Variants in ERGIC3 observed in about 807,000 individuals in gnomAD.
The protein encoded by ERGIC3 is ERGIC and golgi 3, also known as endoplasmic reticulum-Golgi intermediate compartment protein 3.
ERGIC3 carries 33 observed loss-of-function variants against 54.7 expected under a neutral mutation model. The ratio of observed to expected loss-of-function variants is 0.60; its 90% CI spans 0.46 to 0.81. ERGIC3 has a LOEUF of 0.81. Ranked by LOEUF, ERGIC3 falls within the 30% of genes least tolerant of loss-of-function variation. The probability of loss-of-function intolerance (pLI) is 0.00; values close to 1 mark genes in which losing one functional copy is unlikely to be tolerated. For synonymous variants in ERGIC3, 186 were observed against 189.8 expected (o/e 0.98, Z 0.16); for missense variants, 399 against 488.4 (o/e 0.82, Z 1.73).
chr20:35,547,556 G>GTCAGCC (rs1568869830), intron 5 of ERGIC3, 51 bp downstream of exon 5: 19 of 1,546,272 alleles, frequency 1.2e-5, no homozygotes, highest in Non-Finnish European at 1.7e-5. Context: ...CCATCTGTCA[G>GTCAGCC]TCAGCCTCAG....
At chr20:35,542,438 G>A (rs769479746) in intron 2 of ERGIC3, 45 bp downstream of exon 2, 1 of 1,613,678 alleles carries the variant, frequency 6.2e-7, no homozygotes, top group Non-Finnish European at 8.5e-7. Flanking sequence ...GGCATTCTAG[G>A]AGTAGGACCT....
chr20:35,556,652 A>C, intron 10 of ERGIC3: 3 of 500,348 alleles, frequency 6.0e-6, no homozygotes, highest in Middle Eastern at 5.5e-4. Context: ...CGAGGGGCTG[A>C]GGGCAGAGGA....
intron 10 of ERGIC3, 28 bp from the exon 11 acceptor site, chr20:35,556,945 C>T (rs767690881): frequency 6.2e-7 from 1 of 1,613,706 alleles, no homozygotes; most frequent in Admixed American, 1.7e-5. Context: ...TAGCCCTAGC[C>T]CTGGCCCAGG....
chr20:35,543,213 G>A, intron 4 of ERGIC3: 1 of 405,048 alleles, frequency 2.5e-6, no homozygotes, highest in East Asian at 5.7e-5. Flanking sequence ...TTGAAGATAG[G>A]TCTTATGTGC....
Position 35,542,555 on chromosome 20 carries a change from C to G in ERGIC3, c.202C>G (p.Leu68Val), listed in dbSNP as rs2064621161. The G allele has an allele frequency of 1.2e-6, 2 of 1,614,014 alleles. No individual in the cohort carries two copies. Among genetic ancestry groups the G allele is most frequent in the Non-Finnish European group, 8.5e-7 (1 of 1,180,010 alleles). The change falls in exon 3 of 13, where the codon CTG (leucine) becomes GTG (valine). Residue 68 changes from leucine to valine, a missense_variant. Physicochemically the swap from Leu to Val is conservative, Grantham distance 32. Coordinates refer to ENST00000348547, the MANE Select transcript of ERGIC3 (RefSeq NM_015966.3). The stretch of plus-strand genomic sequence containing the variant: ...CGTGGACAAGTCGCGGGGAGATAAA[C>G]TGAAGATCAACATCGATGTACTTTT... ...LYVDKSRGDK[L>V]KINIDVLFPH...
intron 4 of ERGIC3, chr20:35,543,321 T>C (rs972539454): frequency 6.0e-6 from 2 of 334,404 alleles, no homozygotes; most frequent in South Asian, 2.5e-5. Context: ...CTCTTCCCCT[T>C]TGGAATGCAG....
At chr20:35,551,164 T>G (rs1348545540) in intron 7 of ERGIC3, among the ~76,000 whole-genome samples, 4 of 151,672 alleles carry the variant, frequency 2.6e-5, no homozygotes, top group African/African-American at 4.8e-5. Context: ...CGTAGCGGCG[T>G]GCGCCTGTAG....
In ERGIC3 at chr20:35,542,842, G is replaced by A. The variant is rs147325233; in HGVS notation, c.268G>A (p.Asp90Asn). ...PCAYLSIDAM[D>N]VAGEQQLDVE... ...TCCAGATCTGAGTATTGATGCCATG[G>A]ATGTGGCCGGAGAACAGCAGCTGGA... Residue 90 changes from aspartate to asparagine, a missense_variant, in exon 4 of 13, where the codon GAT (aspartate) becomes AAT (asparagine). Asp to Asn is a conservative substitution (Grantham distance 23, BLOSUM62 1). Transcript: ENST00000348547. 2.5e-6 allele frequency: 4 copies of A among 1,613,932 alleles called. No homozygotes were observed. The African/African-American group carries it at 5.3e-5, about 22-fold the overall frequency.
rs1007337605 is a variant in ERGIC3 at position 35,542,448 on chromosome 20, T to C, written c.159+55T>C. On this transcript the variant is annotated intron_variant, in intron 2 of 12. Coordinates refer to ENST00000348547, the MANE Select transcript of ERGIC3 (RefSeq NM_015966.3). ...GGCTTGGCATTCTAGGAGTAGGACC[T>C]TTAGGGGTGGGAGTGGGGAAGGAGA... The C allele has an allele frequency of 1.4e-4, 223 of 1,613,534 alleles. 3 individuals are homozygous for C. The highest frequency in any genetic ancestry group is 3.3e-4 in the Middle Eastern group (2 of 6,070).
Position 35,556,961 on chromosome 20 carries a change from C to G in ERGIC3, c.880-12C>G, listed in dbSNP as rs764379837. ...AGCCCTAGCCCTGGCCCAGGCTCCC[C>G]TCCCACCCCAGGTACTGAGGACAAA... On this transcript the variant is annotated splice_polypyrimidine_tract_variant and intron_variant, in intron 10 of 12. Transcript: ENST00000348547. The G allele has an allele frequency of 6.8e-6, 11 of 1,613,906 alleles. No individual in the cohort carries two copies. In the South Asian group the frequency reaches 8.8e-5, roughly 13 times the overall value.
intron 4 of ERGIC3, chr20:35,543,152 T>TA: frequency 1.8e-6 from 1 of 554,394 alleles, no homozygotes; most frequent in Non-Finnish European, 3.1e-6. Context: ...ACCTGGCTAT[T>TA]ATTCTCAGAG....
chr20:35,555,227 G>C, intron 8 of ERGIC3, 152 bp downstream of exon 8: 2 of 983,348 alleles, frequency 2.0e-6, no homozygotes, highest in East Asian at 4.9e-5. Flanking sequence ...GGTTAAGCGA[G>C]AGTGACTTTT....
In ERGIC3 at chr20:35,547,502, T is replaced by C. The variant is rs142274713; in HGVS notation, c.458T>C (p.Ile153Thr). The C allele has an allele frequency of 8.4e-4, 1,352 of 1,613,816 alleles. 12 individuals carry two copies. The highest frequency in any genetic ancestry group is 2.6e-3 in the Middle Eastern group (16 of 6,062). The part of the protein sequence containing the change: ...ESCYGAEAED[I>T]KCCNTCEDVR... ...TGCTATGGTGCTGAGGCAGAAGATA[T>C]CAAGTGAGCTGGCGGGGAGCGGGAG... The change falls in exon 5 of 13, where the codon ATC becomes ACC. Residue 153 changes from isoleucine to threonine, a missense_variant. By Grantham distance (89) the Ile-to-Thr change is moderately conservative (BLOSUM62 -1). Coordinates refer to ENST00000348547, the MANE Select transcript of ERGIC3 (RefSeq NM_015966.3).
chr20:35,545,066 G>A (rs2064641003), intron 4 of ERGIC3: 1 of 152,302 alleles, frequency 6.6e-6, no homozygotes, highest in Non-Finnish European at 1.5e-5. Flanking sequence ...GCCTCCCAAA[G>A]TGTTGGGATT....
intron 7 of ERGIC3, chr20:35,554,356 C>T: frequency 6.2e-7 from 1 of 1,614,170 alleles, no homozygotes; most frequent in Non-Finnish European, 8.5e-7. Flanking sequence ...TCTCTCCTCC[C>T]TCCCCCATGC....
intron 7 of ERGIC3, among the ~76,000 whole-genome samples, chr20:35,551,130 A>G (rs1350151061): frequency 6.6e-6 from 1 of 151,952 alleles, no homozygotes; most frequent in Non-Finnish European, 1.5e-5. Context: ...TGTCTCTACT[A>G]AAAAATGCAA....
At chr20:35,547,538 A>G (rs561751402) in intron 5 of ERGIC3, 33 bp downstream of exon 5, 4 of 1,589,672 alleles carry the variant, frequency 2.5e-6, no homozygotes, top group Non-Finnish European at 3.5e-6. Flanking sequence ...CAGGGTTCCC[A>G]TCAGGCGCCA....
chr20:35,554,364 T>C (rs372060129), intron 7 of ERGIC3: 76 of 1,614,074 alleles, frequency 4.7e-5, no homozygotes, highest in Non-Finnish European at 5.4e-5. Context: ...CCCTCCCCCA[T>C]GCTGCAGTAC....
intron 4 of ERGIC3, chr20:35,544,736 G>C (rs2064638383): frequency 6.4e-6 from 1 of 156,194 alleles, no homozygotes. Context: ...ATAGTGGGTA[G>C]CACAGAGCCA....
Sources: gnomAD v4.1 joint callset for allele counts (sites outside exome capture counted in the v4.1 genomes callset) on GRCh38, gnomAD v4.1.1 for gene constraint, MANE v1.5 for transcripts, NCBI Gene and HGNC (gene_info 2026-07-23, HGNC 2026-07-21) for gene names.